The following SIL1 variants were observed in gnomAD, a reference collection of about 807,000 sequenced individuals.
The protein encoded by SIL1 is SIL1 nucleotide exchange factor.
In SIL1, 40 loss-of-function variants were observed where a neutral mutation model predicts 49.1. That is an observed-to-expected ratio of 0.81 (90% CI 0.63 to 1.06). The LOEUF (loss-of-function observed/expected upper bound fraction) is 1.06. Among genes scored for constraint, SIL1 ranks in the 50% least tolerant of loss-of-function variants. SIL1 has a pLI of 0.00. For missense variants in SIL1, 500 were observed against 572.6 expected, an observed-to-expected ratio of 0.87 and a Z score of 1.29; for synonymous variants, 253 against 250.8, an observed-to-expected ratio of 1.01 and a Z score of -0.08.
At chr5:138,988,923 C>T (rs2150404194) in intron 7 of SIL1, among the ~76,000 whole-genome samples, 1 of 152,264 alleles carries the variant, frequency 6.6e-6, no homozygotes, top group Admixed American at 6.5e-5. Context: ...AAGTAAATTA[C>T]AGAATGATGA....
intron 1 of SIL1, among the ~76,000 whole-genome samples, chr5:139,171,302 G>A (rs1044170483): frequency 1.3e-4 from 20 of 152,028 alleles, no homozygotes; most frequent in South Asian, 8.3e-4. Context: ...GATGGTTGCC[G>A]TATCTGTGTA....
chr5:138,951,365 G>A, intron 8 of SIL1, 30 bp from the exon 9 acceptor site: 1 of 1,550,520 alleles, frequency 6.4e-7, no homozygotes, highest in Non-Finnish European at 8.7e-7. Context: ...GGTAGGTGAG[G>A]GGCCAAGCGA....
intron 1 of SIL1, among the ~76,000 whole-genome samples, chr5:139,193,830 TCCA>T (rs1320126663): frequency 6.6e-6 from 1 of 152,158 alleles, no homozygotes; most frequent in African/African-American, 2.4e-5. Flanking sequence ...GGCATGGTGG[TCCA>T]CTCTTCTCAA....
intron 3 of SIL1, among the ~76,000 whole-genome samples, chr5:139,056,710 C>G (rs1370990066): frequency 4.0e-5 from 6 of 151,334 alleles, no homozygotes; most frequent in African/African-American, 4.9e-5. Flanking sequence ...GTCAGCCCCC[C>G]GCCCGGCCAG....
intron 7 of SIL1, chr5:139,012,438 G>A (rs1768299992): frequency 6.6e-6 from 1 of 152,042 alleles, no homozygotes. Context: ...TGGCATTACA[G>A]GCACGAGCCA....
intron 3 of SIL1, among the ~76,000 whole-genome samples, chr5:139,099,928 T>G (rs1035267988): frequency 1.3e-5 from 2 of 152,004 alleles, no homozygotes; most frequent in South Asian, 2.1e-4. Flanking sequence ...ACTAAAAGAG[T>G]ATAACTGGAC....
chr5:139,094,590 A>G (rs1770414935), intron 3 of SIL1, among the ~76,000 whole-genome samples: 1 of 152,216 alleles, frequency 6.6e-6, no homozygotes, highest in Admixed American at 6.5e-5. Context: ...TTTTGGTATT[A>G]TTTTGGACTT....
At chr5:139,190,174 C>T (rs2151823059) in intron 1 of SIL1, among the ~76,000 whole-genome samples, 1 of 152,318 alleles carries the variant, frequency 6.6e-6, no homozygotes, top group East Asian at 1.9e-4. Context: ...CTCTGAAATA[C>T]ACTCATTCCT....
At chr5:139,026,700 G>A (rs1485721988) in intron 6 of SIL1, 101 bp downstream of exon 6, 2 of 1,044,264 alleles carry the variant, frequency 1.9e-6, no homozygotes, top group South Asian at 1.3e-5. Flanking sequence ...TGCTCTGGGA[G>A]AGAAGTAAAG....
chr5:139,182,523 A>G (rs1752009246), intron 1 of SIL1, among the ~76,000 whole-genome samples: 1 of 152,198 alleles, frequency 6.6e-6, no homozygotes, highest in Non-Finnish European at 1.5e-5. Flanking sequence ...TTCCTATTGT[A>G]ACCTGTGGTA....
intron 1 of SIL1, among the ~76,000 whole-genome samples, chr5:139,171,465 T>G (rs1197504020): frequency 1.3e-5 from 2 of 152,166 alleles, no homozygotes; most frequent in Non-Finnish European, 2.9e-5. Flanking sequence ...TTAAGGGTGG[T>G]GCAAGATGTG....
chr5:138,950,983 GCCA>G (rs1177107043), intron 9 of SIL1, among the ~76,000 whole-genome samples, 185 bp downstream of exon 9: 3 of 152,192 alleles, frequency 2.0e-5, no homozygotes, highest in Non-Finnish European at 4.4e-5. Context: ...TTTCAGCTTA[GCCA>G]CCACATCTCA....
At chr5:139,054,373 G>A (rs1581062373) in intron 3 of SIL1, among the ~76,000 whole-genome samples, 1 of 152,184 alleles carries the variant, frequency 6.6e-6, no homozygotes. Context: ...TCATGCCACT[G>A]CACTCTAGCC....
At chr5:139,103,376 G>C (rs1452887643) in intron 3 of SIL1, among the ~76,000 whole-genome samples, 12 of 152,158 alleles carry the variant, frequency 7.9e-5, no homozygotes, top group Non-Finnish European at 1.5e-5. Flanking sequence ...CTTTCGGCTA[G>C]TACAATGTGC....
At chr5:139,020,144 G>C (rs946654464) in intron 7 of SIL1, among the ~76,000 whole-genome samples, 2 of 152,194 alleles carry the variant, frequency 1.3e-5, no homozygotes, top group African/African-American at 4.8e-5. Context: ...CCAACACAGG[G>C]AGCCAGGGCT....
At chr5:139,183,578 A>G (rs566530019) in intron 1 of SIL1, among the ~76,000 whole-genome samples, 1 of 152,142 alleles carries the variant, frequency 6.6e-6, no homozygotes, top group East Asian at 1.9e-4. Flanking sequence ...AGGTTGTACT[A>G]AAAAACATTT....
intron 1 of SIL1, among the ~76,000 whole-genome samples, chr5:139,195,609 G>A (rs868659650): frequency 4.0e-5 from 6 of 151,740 alleles, no homozygotes; most frequent in African/African-American, 9.7e-5. Context: ...GGATGGTCTC[G>A]ATCTCCTGAC....
At chr5:138,971,038 C>A (rs1767258908) in intron 7 of SIL1, among the ~76,000 whole-genome samples, 1 of 152,076 alleles carries the variant, frequency 6.6e-6, no homozygotes, top group Non-Finnish European at 1.5e-5. Context: ...GATCACATGA[C>A]CAGCCCTAAC....
chr5:138,997,458 C>T (rs1767894287), intron 7 of SIL1, among the ~76,000 whole-genome samples: 1 of 152,194 alleles, frequency 6.6e-6, no homozygotes, highest in South Asian at 2.1e-4. Context: ...TGTGGATTTA[C>T]ACCTGGGTTC....
Sources: allele counts gnomAD v4.1 joint callset (sites outside exome capture counted in the v4.1 genomes callset), GRCh38; gene constraint gnomAD v4.1.1; transcripts MANE v1.5; gene names NCBI Gene and HGNC (gene_info 2026-07-23, HGNC 2026-07-21).